Variants in RUBCNL observed in about 807,000 individuals in gnomAD.
RUBCNL encodes the protein protein associated with UVRAG as autophagy enhancer.
RUBCNL carries 62 observed loss-of-function variants against 69.5 expected under a neutral mutation model. The observed-to-expected ratio is 0.89, with a 90% CI of 0.73 to 1.10. The LOEUF (loss-of-function observed/expected upper bound fraction) is 1.10, where lower values mean the gene tolerates loss of function less well. RUBCNL is among the 50% of genes least tolerant of loss of function. The pLI, the probability that RUBCNL is intolerant of heterozygous loss-of-function variation, is 0.00. For synonymous variants in RUBCNL, 291 were observed against 303.6 expected (o/e 0.96, Z 0.43); for missense variants, 768 against 798.1 (o/e 0.96, Z 0.45).
intron 4 of RUBCNL, 83 bp downstream of exon 4, chr13:46,368,650 T>C (rs1425368591): frequency 1.0e-5 from 14 of 1,360,542 alleles, no homozygotes; most frequent in South Asian, 4.0e-5. Flanking sequence ...ATTCATCAAA[T>C]TGAAGTTTCC....
chr13:46,357,408 T>TA (rs2048513677), intron 9 of RUBCNL, among the ~76,000 whole-genome samples: 1 of 151,404 alleles, frequency 6.6e-6, no homozygotes, highest in Non-Finnish European at 1.5e-5. Context: ...AAGGGGTTTT[T>TA]AGGGAGGTCT....
At chr13:46,344,506 AC>A (rs1480022255) in intron 14 of RUBCNL, among the ~76,000 whole-genome samples, 2 of 152,142 alleles carry the variant, frequency 1.3e-5, no homozygotes, top group East Asian at 3.8e-4. Flanking sequence ...CAAACCCTGC[AC>A]CAGAAGACAT....
chr13:46,376,583 T>C (rs1399865835), intron 2 of RUBCNL, among the ~76,000 whole-genome samples: 1 of 152,158 alleles, frequency 6.6e-6, no homozygotes, highest in Non-Finnish European at 1.5e-5. Flanking sequence ...TCTCCAATAA[T>C]TCTGGATTTT....
intron 5 of RUBCNL, among the ~76,000 whole-genome samples, chr13:46,367,652 T>G (rs1044862373): frequency 6.6e-6 from 1 of 152,194 alleles, no homozygotes; most frequent in Non-Finnish European, 1.5e-5. Flanking sequence ...ATCTGCAGTT[T>G]TACTTCCCGT....
At chr13:46,383,005 C>T (rs535858742) in intron 1 of RUBCNL, among the ~76,000 whole-genome samples, 24 of 152,152 alleles carry the variant, frequency 1.6e-4, no homozygotes, top group Admixed American at 2.6e-4. Flanking sequence ...TCAGTGGGGA[C>T]GATAAATAGA....
At chr13:46,349,559 A>G (rs2048324120) in intron 11 of RUBCNL, among the ~76,000 whole-genome samples, 1 of 152,222 alleles carries the variant, frequency 6.6e-6, no homozygotes, top group East Asian at 1.9e-4. Context: ...TGTAGAACCT[A>G]AAACTTACAG....
chr13:46,386,966 G>A (rs2049262474), intron 1 of RUBCNL, among the ~76,000 whole-genome samples, 168 bp downstream of exon 1: 2 of 151,994 alleles, frequency 1.3e-5, no homozygotes, highest in South Asian at 2.1e-4. Flanking sequence ...AGGGGTCCCC[G>A]ACACTGCTCT....
Position 46,336,851 on chromosome 13 carries a change from A to AT in RUBCNL, c.*6533dup, listed in dbSNP as rs1031435777. Among the ~76,000 whole-genome samples the AT allele has an allele frequency of 1.3e-5, 2 of 151,982 alleles. No individual in the cohort carries two copies. Among genetic ancestry groups the AT allele is most frequent in the Non-Finnish European group, 2.9e-5 (2 of 67,992 alleles). ...CTGGAAAGGAATGTGAGGTTAAAGA[A>AT]TTTTTTTCTCTCTGCATATTCCTTT... On this transcript the variant is annotated 3_prime_UTR_variant, in exon 15 of 15. Transcript: ENST00000429979.
At chr13:46,368,409 A>G in intron 4 of RUBCNL, 160 bp from the exon 5 acceptor site, 3 of 975,068 alleles carry the variant, frequency 3.1e-6, no homozygotes, top group Non-Finnish European at 3.7e-6. Flanking sequence ...TATGACTTAT[A>G]GCACACATTG....
intron 10 of RUBCNL, among the ~76,000 whole-genome samples, chr13:46,355,586 C>A (rs938369083): frequency 5.3e-5 from 8 of 152,208 alleles, no homozygotes; most frequent in Non-Finnish European, 1.0e-4. Flanking sequence ...GTGGGAGACA[C>A]CGTGCCTGGC....
rs1271582044 is a variant in RUBCNL at position 46,349,450 on chromosome 13, C to T, written c.1570-103G>A. 6 of 1,145,444 alleles carry T rather than the reference C, an allele frequency of 5.2e-6. No individual in the cohort carries two copies. In the East Asian group the frequency reaches 9.8e-5, roughly 19 times the overall value. 71.0% of individuals were successfully genotyped at this position (1,145,444 alleles called of 1,614,324 possible). On this transcript the variant is annotated intron_variant, in intron 11 of 14. Coordinates refer to ENST00000429979, the MANE Select transcript of RUBCNL (RefSeq NM_025113.5). ...TTATTTCTAAGCTTGAAATGCTGCA[C>T]TTGTATAAAACAAACCTTGAAAGCA... is the stretch of plus-strand genomic sequence containing the variant.
At position 46,350,247 on chromosome 13, in the gene RUBCNL, A is replaced by G; in HGVS notation, c.1435T>C (p.Trp479Arg). 6.3e-7 allele frequency: 1 copy of G among 1,592,250 alleles called. No individual in the cohort carries two copies. The change falls in exon 11 of 15, where the codon TGG becomes CGG. Residue 479 changes from tryptophan (W) to arginine (R), a missense_variant. Trp to Arg is a moderately radical substitution (Grantham distance 101). Coordinates refer to ENST00000429979, the MANE Select transcript of RUBCNL (RefSeq NM_025113.5). ...CTGACGTAGTACTTCTTGAAGTCCC[A>G]CATCATCAGGATTCGGGCAGGGATG... ...SCIPARILMM[W>R]DFKKYYVSNF...
intron 5 of RUBCNL, among the ~76,000 whole-genome samples, chr13:46,365,859 C>A (rs971560526): frequency 6.6e-6 from 1 of 152,170 alleles, no homozygotes; most frequent in East Asian, 1.9e-4. Context: ...AAGACAGATA[C>A]ATGCAGGATC....
intron 12 of RUBCNL, among the ~76,000 whole-genome samples, chr13:46,346,396 G>C (rs185376714): frequency 1.3e-4 from 20 of 150,260 alleles, no homozygotes; most frequent in African/African-American, 4.8e-4. Flanking sequence ...CCTTGCTTGC[G>C]GTCTACCCTA....
intron 11 of RUBCNL, 146 bp from the exon 12 acceptor site, chr13:46,349,493 G>T: frequency 1.4e-6 from 1 of 734,716 alleles, no homozygotes; most frequent in Non-Finnish European, 2.3e-6. Context: ...TATACAGCAA[G>T]CCTTCACAAC....
At position 46,372,433 on chromosome 13, in the gene RUBCNL, G is replaced by T. The variant is rs1480317703; in HGVS notation, c.43C>A (p.Pro15Thr). 4.3e-6 allele frequency: 7 copies of T among 1,611,586 alleles called. No homozygotes were observed. Among genetic ancestry groups the T allele is most frequent in the Non-Finnish European group, 5.9e-6 (7 of 1,178,872 alleles). ...GAGTGATCGCTGATCCCTTCCCAGG[G>T]CTCCACAGGAGAATCCTGCCTGACT... ...STVRQDSPVEPWEGISDHSGI... is the reference protein window; with the variant it reads ...STVRQDSPVETWEGISDHSGI... The change falls in exon 3 of 15, where the codon CCC becomes ACC. Residue 15 changes from proline to threonine, a missense_variant. By Grantham distance (38) the Pro-to-Thr change is conservative (BLOSUM62 -1). Transcript: ENST00000429979.
rs575274977 is a variant in RUBCNL, at chr13:46,339,752, G to A, written c.*3633C>T. On this transcript the variant is annotated 3_prime_UTR_variant, in exon 15 of 15. Coordinates refer to ENST00000429979, the MANE Select transcript of RUBCNL (RefSeq NM_025113.5). Reference sequence around the variant, plus strand: ...CGTGCGCCTGCAATCCCAGCTACTCGGGAGGGTGAGACAGGAAAATCACTT... The same window carrying A: ...CGTGCGCCTGCAATCCCAGCTACTCAGGAGGGTGAGACAGGAAAATCACTT... 3.9e-5 allele frequency among the ~76,000 whole-genome samples: 6 copies of A among 152,156 alleles called. No individual in the cohort carries two copies. The highest frequency in any genetic ancestry group is 3.4e-3 in the Middle Eastern group (1 of 294).
intron 1 of RUBCNL, among the ~76,000 whole-genome samples, chr13:46,386,873 C>A (rs1266290557): frequency 6.6e-6 from 1 of 152,138 alleles, no homozygotes; most frequent in Non-Finnish European, 1.5e-5. Context: ...CGGCCCAAGC[C>A]GAACACAGGG....
chr13:46,349,076 G>A (rs1454966482), intron 12 of RUBCNL, among the ~76,000 whole-genome samples: 1 of 152,110 alleles, frequency 6.6e-6, no homozygotes, highest in Non-Finnish European at 1.5e-5. Flanking sequence ...CCCAATCTCT[G>A]GTATGACTTT....
Sources: allele counts gnomAD v4.1 joint callset (sites outside exome capture counted in the v4.1 genomes callset), GRCh38; gene constraint gnomAD v4.1.1; transcripts MANE v1.5; gene names NCBI Gene and HGNC (gene_info 2026-07-23, HGNC 2026-07-21).